The following DIAPH2 variants were observed in gnomAD, a reference collection of about 807,000 sequenced individuals.
DIAPH2 encodes diaphanous related formin 2.
In DIAPH2, 35 loss-of-function variants were observed where a neutral mutation model predicts 92.7. That is an observed-to-expected ratio of 0.38 (90% CI 0.29 to 0.50). The LOEUF (loss-of-function observed/expected upper bound fraction) is 0.50, where lower values mean the gene tolerates loss of function less well. DIAPH2 is among the 20% of genes least tolerant of loss of function. DIAPH2 has a pLI of 0.94. For missense variants in DIAPH2, 701 were observed against 819.5 expected (o/e 0.86, Z 1.77); for synonymous variants, 301 against 280.4 (o/e 1.07, Z -0.73).
intron 4 of DIAPH2, among the ~76,000 whole-genome samples, chrX:96,773,893 A>G (rs1210231965): frequency 9.0e-6 from 1 of 111,383 alleles, no homozygotes; most frequent in Non-Finnish European, 1.9e-5. Flanking sequence ...AAATAAAGGG[A>G]CAACAAATTT....
intron 23 of DIAPH2, among the ~76,000 whole-genome samples, chrX:97,269,391 G>A (rs1048394912): frequency 2.7e-5 from 3 of 112,262 alleles, no homozygotes; most frequent in Non-Finnish European, 3.8e-5. Flanking sequence ...ACAAGATAAC[G>A]TGTGGGAAAT....
At chrX:96,706,768 C>T (rs938898705) in intron 1 of DIAPH2, among the ~76,000 whole-genome samples, 1 of 110,957 alleles carries the variant, frequency 9.0e-6, no homozygotes, top group Non-Finnish European at 1.9e-5. Context: ...TATTCAGAAG[C>T]CTACCATCTT....
At chrX:97,253,293 A>AAAAAAAAAATAAAATAAAAT (rs748186406) in intron 23 of DIAPH2, among the ~76,000 whole-genome samples, 37 of 91,753 alleles carry the variant, frequency 4.0e-4, no homozygotes, top group South Asian at 1.7e-3. Context: ...CTCCGTAAAA[A>AAAAAAAAAATAAAATAAAAT]AAAATAAAAT....
rs894240982 is a variant in DIAPH2 at position 97,599,469 on chromosome X, A to G, written c.*152A>G. 2.1e-5 allele frequency: 7 copies of G among 334,037 alleles called. No individual in the cohort carries two copies. The highest frequency in any genetic ancestry group is 2.7e-5 in the Non-Finnish European group (5 of 182,177). 27.5% of individuals were successfully genotyped at this position (334,037 alleles called of 1,213,427 possible). A position where few individuals can be genotyped will look rare whatever the true frequency, so the allele number is the denominator to read the frequency against. On this transcript the variant is annotated 3_prime_UTR_variant, in exon 27 of 27. Transcript: ENST00000324765. ...GGATGAAGTAGTGTGCATTTGTAAT[A>G]CTATTGCAAGACTCCTCCCACAATT...
intron 4 of DIAPH2, among the ~76,000 whole-genome samples, chrX:96,873,588 G>A (rs1384560021): frequency 9.2e-6 from 1 of 108,199 alleles, no homozygotes; most frequent in Non-Finnish European, 1.9e-5. Flanking sequence ...TATCTTGATT[G>A]TGGTGTTGGT....
intron 25 of DIAPH2, among the ~76,000 whole-genome samples, chrX:97,427,934 G>A (rs995263138): frequency 1.8e-5 from 2 of 110,609 alleles, no homozygotes; most frequent in African/African-American, 6.6e-5. Context: ...TGAGCCACCT[G>A]CCTCAGCCTC....
intron 19 of DIAPH2, among the ~76,000 whole-genome samples, chrX:97,086,847 A>G (rs1489256814): frequency 9.0e-6 from 1 of 111,418 alleles, no homozygotes; most frequent in African/African-American, 3.3e-5. Flanking sequence ...CAATTTATTG[A>G]TTTTTTTAAA....
chrX:96,894,974 A>ATTTTTTTTTTTTTTTTTTTTTAT (rs2065333464), intron 5 of DIAPH2, among the ~76,000 whole-genome samples: 1 of 59,531 alleles, frequency 1.7e-5, no homozygotes, highest in Non-Finnish European at 3.1e-5. Flanking sequence ...GTTTTTCTTA[A>ATTTTTTTTTTTTTTTTTTTTTAT]TTTTTTTTTT....
intron 4 of DIAPH2, among the ~76,000 whole-genome samples, chrX:96,863,022 C>T (rs144942667): frequency 0.032 from 3,533 of 110,076 alleles, 159 homozygotes; most frequent in African/African-American, 0.11. Flanking sequence ...TTGTGTAATA[C>T]GTATTCTTTC....
intron 25 of DIAPH2, among the ~76,000 whole-genome samples, chrX:97,387,364 A>C (rs983723129): frequency 1.8e-5 from 2 of 112,506 alleles, no homozygotes; most frequent in Non-Finnish European, 3.7e-5. Context: ...TGTGTACACA[A>C]ACACATATAC....
At chrX:97,298,842 T>C (rs749093614) in intron 23 of DIAPH2, among the ~76,000 whole-genome samples, 1 of 110,684 alleles carries the variant, frequency 9.0e-6, no homozygotes, top group African/African-American at 3.3e-5. Flanking sequence ...ATCGTCTCGA[T>C]CTACTGACCT....
In DIAPH2 at chrX:96,759,126, C is replaced by T. The variant is rs113932855; in HGVS notation, c.447+868C>T. On this transcript the variant is annotated intron_variant, in intron 4 of 26. Coordinates refer to ENST00000324765, the MANE Select transcript of DIAPH2 (RefSeq NM_006729.5). ...TTTTGTGTGTATACATATGCATGTACACACACATACACTATTTAGGTCATG... is the reference window on the plus strand; with the variant it reads ...TTTTGTGTGTATACATATGCATGTATACACACATACACTATTTAGGTCATG... Among the ~76,000 whole-genome samples the T allele has an allele frequency of 4.2e-3, 463 of 110,667 alleles. 7 individuals carry two copies. The highest frequency in any genetic ancestry group is 0.014 in the African/African-American group (436 of 30,550).
At chrX:96,884,977 C>T in intron 5 of DIAPH2, 1 of 1,211,065 alleles carries the variant, frequency 8.3e-7, no homozygotes, top group Non-Finnish European at 1.1e-6. Context: ...CATCCATGAG[C>T]TCCGGGCTCA....
At chrX:97,016,494 T>C (rs5920684) in intron 17 of DIAPH2, among the ~76,000 whole-genome samples, 4,062 of 112,259 alleles carry the variant, frequency 0.036, 89 homozygotes, top group Middle Eastern at 0.083. Flanking sequence ...TTTAGGCTAC[T>C]GATCTTTACT....
At position 96,763,640 on chromosome X, in the gene DIAPH2, A is replaced by G. The variant is rs1356297304; in HGVS notation, c.447+5382A>G. Among the ~76,000 whole-genome samples, 7 of 111,915 alleles carry G rather than the reference A, an allele frequency of 6.3e-5. No individual in the cohort carries two copies. In the Admixed American group the frequency reaches 6.7e-4, roughly 11 times the overall value. ...AGTCATGTAATTTCTCTGGGGCTCA[A>G]TTATTAAATGGATAAATTGAAATGA... On this transcript the variant is annotated intron_variant, in intron 4 of 26. Transcript: ENST00000324765.
intron 17 of DIAPH2, among the ~76,000 whole-genome samples, chrX:96,998,794 C>T (rs1451798530): frequency 1.8e-5 from 2 of 111,606 alleles, no homozygotes; most frequent in Admixed American, 9.5e-5. Context: ...TAAACCACTT[C>T]GTAACTGGTC....
intron 1 of DIAPH2, among the ~76,000 whole-genome samples, chrX:96,722,921 A>C (rs2063997745): frequency 9.0e-6 from 1 of 111,589 alleles, no homozygotes; most frequent in Admixed American, 9.5e-5. Context: ...CACCCTTTCA[A>C]TATCTGTGGG....
chrX:96,917,065 A>G (rs2065509278), intron 8 of DIAPH2, among the ~76,000 whole-genome samples: 1 of 111,700 alleles, frequency 9.0e-6, no homozygotes, highest in Non-Finnish European at 1.9e-5. Flanking sequence ...TAATTATTCA[A>G]AGTGTATATG....
chrX:97,601,229 G>GAA lies in DIAPH2; in HGVS notation c.*1913_*1914dup, dbSNP rs1262366425. The GAA allele has an allele frequency of 9.0e-6, 1 of 111,700 alleles. No individual in the cohort carries two copies. The highest frequency in any genetic ancestry group is 2.8e-4 in the East Asian group (1 of 3,590). 9.2% of individuals were successfully genotyped at this position (111,700 alleles called of 1,213,427 possible). A position where few individuals can be genotyped will look rare whatever the true frequency, so the allele number is the denominator to read the frequency against. On this transcript the variant is annotated 3_prime_UTR_variant, in exon 27 of 27. Transcript: ENST00000324765. ...TTTGACAGCTTATCAGTCTGTAGGA[G>GAA]AATGATCTTGAAATGTTAACCCTGA...
Sources: allele counts gnomAD v4.1 joint callset (sites outside exome capture counted in the v4.1 genomes callset), GRCh38; gene constraint gnomAD v4.1.1; transcripts MANE v1.5; gene names NCBI Gene and HGNC (gene_info 2026-07-23, HGNC 2026-07-21).